The following HS3ST4 variants were observed in gnomAD, a reference collection of about 807,000 sequenced individuals.
The protein encoded by HS3ST4 is heparan sulfate-glucosamine 3-sulfotransferase 4, also known as heparan sulfate glucosamine 3-O-sulfotransferase 4.
Under a neutral mutation model 29.2 loss-of-function variants are expected in HS3ST4, and 17 were observed. That is an observed-to-expected ratio of 0.58 (90% confidence interval 0.40 to 0.87). The LOEUF (loss-of-function observed/expected upper bound fraction) is 0.87, where lower values mean the gene tolerates loss of function less well. Ranked by LOEUF, HS3ST4 falls within the 40% of genes least tolerant of loss-of-function variation. The pLI is 0.00. For missense variants in HS3ST4, 627 were observed against 634.5 expected (o/e 0.99, Z 0.13); for synonymous variants, 314 against 285.7 (o/e 1.10, Z -1.00).
intron 1 of HS3ST4, among the ~76,000 whole-genome samples, chr16:25,921,067 A>G (rs751678329): frequency 6.6e-6 from 1 of 152,174 alleles, no homozygotes; most frequent in Non-Finnish European, 1.5e-5. Flanking sequence ...AATCTTTGTC[A>G]TATTTATTTT....
chr16:25,747,676 G>A (rs1966693449), intron 1 of HS3ST4, among the ~76,000 whole-genome samples: 1 of 152,194 alleles, frequency 6.6e-6, no homozygotes, highest in Non-Finnish European at 1.5e-5. Context: ...CAATGTCTGT[G>A]CTCTCAGTCC....
intron 1 of HS3ST4, among the ~76,000 whole-genome samples, chr16:25,763,439 C>T (rs1487352744): frequency 6.6e-6 from 1 of 152,148 alleles, no homozygotes; most frequent in Non-Finnish European, 1.5e-5. Context: ...TTGGGGAGTG[C>T]AGGTTAGACG....
chr16:26,055,873 G>A (rs1220537271), intron 1 of HS3ST4, among the ~76,000 whole-genome samples: 1 of 152,158 alleles, frequency 6.6e-6, no homozygotes, highest in African/African-American at 2.4e-5. Context: ...GGGCAGTGAA[G>A]CTTTGCAGTT....
chr16:25,735,364 G>C (rs1483695772), intron 1 of HS3ST4, among the ~76,000 whole-genome samples: 1 of 151,936 alleles, frequency 6.6e-6, no homozygotes, highest in Non-Finnish European at 1.5e-5. Flanking sequence ...GCTCTGTGTT[G>C]ACTCTGTTCT....
chr16:26,034,363 A>G (rs904067902), intron 1 of HS3ST4, among the ~76,000 whole-genome samples: 4 of 152,126 alleles, frequency 2.6e-5, no homozygotes, highest in Non-Finnish European at 4.4e-5. Flanking sequence ...TACATTCACC[A>G]TCATCTATAG....
At chr16:25,800,982 G>A (rs999209751) in intron 1 of HS3ST4, among the ~76,000 whole-genome samples, 7 of 152,110 alleles carry the variant, frequency 4.6e-5, no homozygotes, top group Non-Finnish European at 1.0e-4. Context: ...CCCAATCCAA[G>A]GTATTTTGTT....
chr16:25,987,663 C>T lies in HS3ST4; in HGVS notation c.735-147949C>T, dbSNP rs190309992. 3.9e-5 allele frequency among the ~76,000 whole-genome samples: 6 copies of T among 152,302 alleles called. No individual in the cohort carries two copies. In the East Asian group the frequency reaches 1.2e-3, roughly 29 times the overall value. On this transcript the variant is annotated intron_variant, in intron 1 of 1. Transcript: ENST00000331351. ...GTGCTCAGAGCCAGTGGCCAAGTGT[C>T]TGATGTGGCCGCCAGTGTTCCCATG...
At chr16:25,888,797 C>G (rs555066595) in intron 1 of HS3ST4, among the ~76,000 whole-genome samples, 1 of 149,724 alleles carries the variant, frequency 6.7e-6, no homozygotes, top group Non-Finnish European at 1.5e-5. Context: ...AACAACAAAA[C>G]AACAACAACA....
chr16:25,801,323 T>C (rs368379784), intron 1 of HS3ST4, among the ~76,000 whole-genome samples: 1 of 152,322 alleles, frequency 6.6e-6, no homozygotes, highest in African/African-American at 2.4e-5. Flanking sequence ...TTTATTATCA[T>C]AGATGTGTAA....
chr16:26,101,432 C>T (rs551456561), intron 1 of HS3ST4, among the ~76,000 whole-genome samples: 2 of 152,222 alleles, frequency 1.3e-5, no homozygotes, highest in African/African-American at 4.8e-5. Context: ...CCACCACATT[C>T]CTGCCACCAC....
At chr16:25,809,640 GTT>G (rs1226643973) in intron 1 of HS3ST4, among the ~76,000 whole-genome samples, 1 of 151,834 alleles carries the variant, frequency 6.6e-6, no homozygotes, top group South Asian at 2.1e-4. Context: ...GGTCTGAAGA[GTT>G]TTTTTTGGAA....
At chr16:25,901,686 A>G (rs891679187) in intron 1 of HS3ST4, among the ~76,000 whole-genome samples, 2 of 56,994 alleles carry the variant, frequency 3.5e-5, no homozygotes, top group Non-Finnish European at 7.6e-5. Flanking sequence ...AAGAAAAAAA[A>G]TGCTCTCTCA....
At chr16:25,701,371 T>C (rs1272977299) in intron 1 of HS3ST4, among the ~76,000 whole-genome samples, 1 of 152,116 alleles carries the variant, frequency 6.6e-6, no homozygotes, top group Non-Finnish European at 1.5e-5. Flanking sequence ...CTTGGGGTGG[T>C]GGTAAGAGTA....
intron 1 of HS3ST4, among the ~76,000 whole-genome samples, chr16:25,913,803 T>G: frequency 6.7e-6 from 1 of 149,822 alleles, no homozygotes; most frequent in African/African-American, 2.5e-5. Context: ...AGGGTGTATA[T>G]GTGTGGGGTG....
intron 1 of HS3ST4, among the ~76,000 whole-genome samples, chr16:25,923,968 A>C (rs1273777930): frequency 1.3e-5 from 2 of 152,124 alleles, no homozygotes; most frequent in African/African-American, 4.8e-5. Context: ...TGATGACTCA[A>C]AAGGTTTCAT....
intron 1 of HS3ST4, among the ~76,000 whole-genome samples, chr16:25,721,426 A>G (rs547467649): frequency 6.6e-6 from 1 of 151,984 alleles, no homozygotes; most frequent in South Asian, 2.1e-4. Context: ...TTCCCCTCTG[A>G]TGGCACATGC....
intron 1 of HS3ST4, among the ~76,000 whole-genome samples, chr16:25,948,426 G>A (rs749393459): frequency 1.5e-4 from 23 of 152,056 alleles, no homozygotes; most frequent in Admixed American, 2.0e-4. Context: ...TGATGGGGCC[G>A]TGCATCTTCC....
At chr16:25,919,285 C>T (rs942035388) in intron 1 of HS3ST4, among the ~76,000 whole-genome samples, 7 of 152,116 alleles carry the variant, frequency 4.6e-5, no homozygotes, top group East Asian at 1.9e-4. Context: ...CAGCCTAGGC[C>T]TTCCAAAGTG....
At chr16:25,927,980 C>T (rs1050886413) in intron 1 of HS3ST4, among the ~76,000 whole-genome samples, 13 of 131,620 alleles carry the variant, frequency 9.9e-5, no homozygotes, top group African/African-American at 3.9e-4. Flanking sequence ...GGGAGGATTG[C>T]TTGAGGACAG....
Sources: allele counts gnomAD v4.1 joint callset (sites outside exome capture counted in the v4.1 genomes callset), GRCh38; gene constraint gnomAD v4.1.1; transcripts MANE v1.5; gene names NCBI Gene and HGNC (gene_info 2026-07-23, HGNC 2026-07-21).